EML4: variants seen among roughly 807,000 people sequenced by gnomAD.
The protein encoded by EML4 is echinoderm microtubule-associated protein-like 4.
In EML4, 72 loss-of-function variants were observed where a neutral mutation model predicts 129.0. That is an observed-to-expected ratio of 0.56 (90% CI 0.46 to 0.68). The LOEUF is 0.68. Ranked by LOEUF, EML4 falls within the 30% of genes least tolerant of loss-of-function variation. EML4 has a pLI of 0.00. For missense variants in EML4, 1,363 were observed against 1,190.6 expected, an observed-to-expected ratio of 1.14 and a Z score of -2.13; for synonymous variants, 532 against 405.0, an observed-to-expected ratio of 1.31 and a Z score of -3.77.
intron 2 of EML4, among the ~76,000 whole-genome samples, chr2:42,248,022 C>T (rs1039358778): frequency 1.3e-5 from 2 of 152,012 alleles, no homozygotes; most frequent in African/African-American, 2.4e-5. Context: ...TTAGGAGACA[C>T]GGTCTTACTC....
At chr2:42,327,001 C>G (rs934948538) in intron 21 of EML4, among the ~76,000 whole-genome samples, 35 of 152,204 alleles carry the variant, frequency 2.3e-4, no homozygotes, top group African/African-American at 8.2e-4. Context: ...TTAACAGTTA[C>G]CCCATCTCTC....
At chr2:42,208,152 C>T (rs1672671257) in intron 1 of EML4, 1 of 152,112 alleles carries the variant, frequency 6.6e-6, no homozygotes, top group Non-Finnish European at 1.5e-5. Flanking sequence ...TCTTCCTGGC[C>T]ACTCTGGGAG....
At chr2:42,255,367 A>C (rs1311835177) in intron 2 of EML4, among the ~76,000 whole-genome samples, 1 of 152,064 alleles carries the variant, frequency 6.6e-6, no homozygotes, top group East Asian at 1.9e-4. Context: ...TTACAGGCTG[A>C]GCCACCGCGC....
intron 6 of EML4, among the ~76,000 whole-genome samples, chr2:42,277,785 T>C (rs1334254231): frequency 1.3e-5 from 2 of 152,142 alleles, no homozygotes; most frequent in African/African-American, 4.8e-5. Flanking sequence ...GCCAGGCTGG[T>C]CTCAAACTCC....
chr2:42,177,826 A>C (rs1670693413), intron 1 of EML4, among the ~76,000 whole-genome samples: 1 of 152,192 alleles, frequency 6.6e-6, no homozygotes, highest in African/African-American at 2.4e-5. Context: ...ACATTAGAAA[A>C]ATGAGGAGAA....
At chr2:42,196,306 T>G (rs555932653) in intron 1 of EML4, among the ~76,000 whole-genome samples, 1 of 152,248 alleles carries the variant, frequency 6.6e-6, no homozygotes, top group East Asian at 1.9e-4. Context: ...TAGCACTTAA[T>G]ATGTGCTTAA....
At chr2:42,266,285 T>C (rs1473281578) in intron 6 of EML4, among the ~76,000 whole-genome samples, 1 of 152,236 alleles carries the variant, frequency 6.6e-6, no homozygotes, top group African/African-American at 2.4e-5. Flanking sequence ...GATTAAGTAA[T>C]GTTTGAGATA....
intron 1 of EML4, among the ~76,000 whole-genome samples, chr2:42,235,529 C>G (rs867987212): frequency 1.3e-5 from 2 of 152,160 alleles, no homozygotes; most frequent in Admixed American, 1.3e-4. Context: ...ATGGTCTTCA[C>G]TCAACGTTAG....
chr2:42,217,105 GT>G (rs1179550253), intron 1 of EML4, among the ~76,000 whole-genome samples: 2 of 152,172 alleles, frequency 1.3e-5, no homozygotes, highest in Non-Finnish European at 2.9e-5. Flanking sequence ...GTTGGACTGA[GT>G]AAATTTTTTA....
chr2:42,298,319 T>TA (rs1177486039), intron 13 of EML4, among the ~76,000 whole-genome samples: 3 of 152,162 alleles, frequency 2.0e-5, no homozygotes, highest in African/African-American at 7.2e-5. Context: ...TTGTGTCTGT[T>TA]AGAGATGAGA....
intron 11 of EML4, among the ~76,000 whole-genome samples, chr2:42,292,651 G>A (rs1015441037): frequency 6.6e-6 from 1 of 152,132 alleles, no homozygotes; most frequent in Non-Finnish European, 1.5e-5. Context: ...ATTTATGGAA[G>A]GTTAGTAATG....
At chr2:42,214,117 T>A (rs1673037968) in intron 1 of EML4, among the ~76,000 whole-genome samples, 1 of 152,194 alleles carries the variant, frequency 6.6e-6, no homozygotes, top group Non-Finnish European at 1.5e-5. Flanking sequence ...TTTTACTGTT[T>A]TAAATTCAGT....
chr2:42,282,802 C>A lies in EML4; in HGVS notation c.792-21C>A, dbSNP rs769267620. ...CTTGAAAACTGTGTTTATTTAAAAC[C>A]TTGACTCTTTTTCTGTTAAGATATG... On this transcript the variant is annotated intron_variant, in intron 7 of 22. Transcript: ENST00000318522. The A allele has an allele frequency of 2.5e-6, 4 of 1,604,338 alleles. No individual in the cohort carries two copies. The Admixed American group carries it at 5.2e-5, about 21-fold the overall frequency.
rs148763746 is a variant in EML4 at position 42,250,837 on chromosome 2, A to G, written c.208+5150A>G. Among the ~76,000 whole-genome samples, 284 of 152,324 alleles carry G rather than the reference A, an allele frequency of 1.9e-3. 11 individuals carry two copies. In the East Asian group the frequency reaches 0.043, roughly 23 times the overall value. ...TAATGAAATAATTATACAACTCACC[A>G]TAATGTAGAATCGTTGGGAGCCCTG... is the stretch of plus-strand genomic sequence containing the variant. On this transcript the variant is annotated intron_variant, in intron 2 of 22. Coordinates refer to ENST00000318522, the MANE Select transcript of EML4 (RefSeq NM_019063.5).
At chr2:42,200,039 G>T (rs1220435774) in intron 1 of EML4, among the ~76,000 whole-genome samples, 1 of 151,970 alleles carries the variant, frequency 6.6e-6, no homozygotes, top group Non-Finnish European at 1.5e-5. Flanking sequence ...GCCAGGCGCG[G>T]TGGCTGACGC....
intron 17 of EML4, 65 bp from the exon 18 acceptor site, chr2:42,315,897 G>T: frequency 1.6e-6 from 2 of 1,237,904 alleles, no homozygotes; most frequent in Non-Finnish European, 2.3e-6. Flanking sequence ...AAAAGAAAAA[G>T]AACAACTTTT....
At chr2:42,275,189 A>G (rs1051852420) in intron 6 of EML4, among the ~76,000 whole-genome samples, 5 of 152,246 alleles carry the variant, frequency 3.3e-5, no homozygotes, top group African/African-American at 1.2e-4. Context: ...AACTCAATGT[A>G]GCCAAAATAC....
At chr2:42,213,988 A>G (rs1376138142) in intron 1 of EML4, among the ~76,000 whole-genome samples, 2 of 152,204 alleles carry the variant, frequency 1.3e-5, no homozygotes, top group Non-Finnish European at 2.9e-5. Context: ...GTAGTCAGAG[A>G]ACTTTGTCTT....
intron 1 of EML4, among the ~76,000 whole-genome samples, chr2:42,189,541 C>T (rs971804325): frequency 4.6e-5 from 7 of 152,204 alleles, no homozygotes; most frequent in Admixed American, 2.0e-4. Context: ...GATCTTGCTA[C>T]TGCACTCCAG....
Sources: gnomAD v4.1 joint callset for allele counts (sites outside exome capture counted in the v4.1 genomes callset) on GRCh38, gnomAD v4.1.1 for gene constraint, MANE v1.5 for transcripts, NCBI Gene and HGNC (gene_info 2026-07-23, HGNC 2026-07-21) for gene names.